Variants in CALCOCO2 observed in about 807,000 individuals in gnomAD.
CALCOCO2 encodes the protein calcium-binding and coiled-coil domain-containing protein 2.
CALCOCO2 carries 42 observed loss-of-function variants against 62.5 expected under a neutral mutation model. The observed-to-expected ratio is 0.67, with a 90% CI of 0.53 to 0.87. CALCOCO2 has a LOEUF of 0.87. Ranked by LOEUF, CALCOCO2 falls within the 40% of genes least tolerant of loss-of-function variation. The pLI is 0.00. For synonymous variants in CALCOCO2, 167 were observed against 173.0 expected, an observed-to-expected ratio of 0.97 and a Z score of 0.27; for missense variants, 456 against 515.0, an observed-to-expected ratio of 0.89 and a Z score of 1.11.
chr17:48,852,401 G>A (rs2040146467), intron 7 of CALCOCO2, 105 bp from the exon 8 acceptor site: 2 of 967,808 alleles, frequency 2.1e-6, no homozygotes, highest in Admixed American at 2.5e-5. Flanking sequence ...GCAGTTGGGA[G>A]TTGCTAGGGA....
chr17:48,861,052 C>G (rs1190857823), intron 11 of CALCOCO2, among the ~76,000 whole-genome samples: 1 of 152,150 alleles, frequency 6.6e-6, no homozygotes, highest in Non-Finnish European at 1.5e-5. Context: ...TTATAACAGG[C>G]AACAAGTTTA....
At position 48,853,018 on chromosome 17, in the gene CALCOCO2, T is replaced by C; in HGVS notation, c.912+6T>C. The C allele has an allele frequency of 6.3e-7, 1 of 1,597,290 alleles. No individual in the cohort carries two copies. Among genetic ancestry groups the C allele is most frequent in the African/African-American group, 1.3e-5 (1 of 74,658 alleles). ...AGAAACAACAGGAATTAATGGCATG[T>C]CTGTCTTTGGATGGTTATGTGGGAG... On this transcript the variant is annotated splice_donor_region_variant and intron_variant, in intron 9 of 12. Transcript: ENST00000258947.
intron 10 of CALCOCO2, among the ~76,000 whole-genome samples, chr17:48,858,298 C>G (rs1291703414): frequency 1.3e-5 from 2 of 151,704 alleles, no homozygotes; most frequent in Non-Finnish European, 2.9e-5. Context: ...TTGTTATTCC[C>G]ATTCTCTCTT....
At chr17:48,856,047 A>C in intron 9 of CALCOCO2, 45 bp from the exon 10 acceptor site, 1 of 960,070 alleles carries the variant, frequency 1.0e-6, no homozygotes. Flanking sequence ...TTGTACCCAG[A>C]CTGCAATATG....
chr17:48,860,374 C>A lies in CALCOCO2; in HGVS notation c.1069C>A (p.Pro357Thr), dbSNP rs748032622. ...CATGGGTCTGGATTTTAATTCTTTG[C>A]CGTATCAAGTACCTACTTCAGATGA... ...SYMGLDFNSL[P>T]YQVPTSDEGG... Residue 357 changes from proline (P) to threonine (T), a missense_variant, in exon 11 of 13, where the codon CCG becomes ACG. Transcript: ENST00000258947. The A allele has an allele frequency of 6.8e-6, 11 of 1,612,960 alleles. No homozygotes were observed. Among genetic ancestry groups the A allele is most frequent in the Non-Finnish European group, 9.3e-6 (11 of 1,178,984 alleles).
chr17:48,850,289 ACT>A (rs1273015784), intron 5 of CALCOCO2, among the ~76,000 whole-genome samples: 2 of 150,954 alleles, frequency 1.3e-5, no homozygotes, highest in Non-Finnish European at 2.9e-5. Context: ...ACAGAGCAAG[ACT>A]CTGTCTCAAA....
intron 2 of CALCOCO2, chr17:48,846,511 G>A: frequency 6.9e-7 from 1 of 1,441,238 alleles, no homozygotes; most frequent in Non-Finnish European, 9.4e-7. Context: ...GACAGAAATT[G>A]CAGGTGGCTA....
At chr17:48,841,614 A>C (rs2039974808) in intron 1 of CALCOCO2, 84 bp from the exon 2 acceptor site, 2 of 949,706 alleles carry the variant, frequency 2.1e-6, no homozygotes, top group South Asian at 4.0e-5. Context: ...TTTGCACAGA[A>C]TGTTCCCTGG....
At chr17:48,838,516 C>T (rs1203678030) in intron 1 of CALCOCO2, among the ~76,000 whole-genome samples, 3 of 151,816 alleles carry the variant, frequency 2.0e-5, no homozygotes, top group Admixed American at 6.6e-5. Context: ...AGATCGAGAC[C>T]ATCCTTTCTA....
intron 6 of CALCOCO2, 49 bp downstream of exon 6, chr17:48,851,226 G>T: frequency 1.0e-6 from 1 of 966,712 alleles, no homozygotes. Flanking sequence ...TGTACCATCA[G>T]TACCCTTAAG....
At chr17:48,861,712 A>G (rs1258306224) in intron 11 of CALCOCO2, among the ~76,000 whole-genome samples, 1 of 145,042 alleles carries the variant, frequency 6.9e-6, no homozygotes, top group Non-Finnish European at 1.5e-5. Flanking sequence ...GTGTGAAATG[A>G]AAATACAATT....
chr17:48,847,117 T>C (rs942715145), intron 2 of CALCOCO2, among the ~76,000 whole-genome samples: 1 of 152,166 alleles, frequency 6.6e-6, no homozygotes, highest in Non-Finnish European at 1.5e-5. Flanking sequence ...CAAAAAGCCA[T>C]CATTAAGCAT....
chr17:48,862,729 A>G (rs1567761885), intron 12 of CALCOCO2, 109 bp from the exon 13 acceptor site: 2 of 836,586 alleles, frequency 2.4e-6, no homozygotes, highest in Admixed American at 1.9e-5. Flanking sequence ...GTGCCTAACC[A>G]TGTGCCAGTC....
At chr17:48,855,245 CCTTT>C (rs2040197723) in intron 9 of CALCOCO2, among the ~76,000 whole-genome samples, 1 of 152,090 alleles carries the variant, frequency 6.6e-6, no homozygotes, top group Non-Finnish European at 1.5e-5. Flanking sequence ...CTCAGAGAGC[CCTTT>C]CTTATTTCTG....
chr17:48,858,710 GCA>G (rs1186226324), intron 10 of CALCOCO2, among the ~76,000 whole-genome samples: 1 of 151,796 alleles, frequency 6.6e-6, no homozygotes, highest in Non-Finnish European at 1.5e-5. Context: ...GGGGGCAGGT[GCA>G]CACACAGTTT....
At chr17:48,848,587 A>G in intron 4 of CALCOCO2, 132 bp downstream of exon 4, 1 of 779,168 alleles carries the variant, frequency 1.3e-6, no homozygotes, top group South Asian at 1.6e-5. Flanking sequence ...TGTAGTACTC[A>G]CACAGACTCA....
At chr17:48,842,658 T>TTG (rs1567751395) in intron 2 of CALCOCO2, 1 of 151,964 alleles carries the variant, frequency 6.6e-6, no homozygotes, top group Non-Finnish European at 1.5e-5. Context: ...TTTTTTTTTT[T>TTG]TCTTTGAGAC....
intron 4 of CALCOCO2, chr17:48,848,931 C>T (rs2040089541): frequency 8.6e-6 from 4 of 465,588 alleles, no homozygotes; most frequent in Admixed American, 7.5e-5. Flanking sequence ...TCAGTTAAAA[C>T]ACTGTCCTTG....
intron 10 of CALCOCO2, among the ~76,000 whole-genome samples, chr17:48,858,019 GAATAGAATAGAATAGAATAGAATAGAA>G (rs751507196): frequency 0.028 from 425 of 15,446 alleles, 34 homozygotes; most frequent in South Asian, 0.06. Context: ...GAATAGAATA[GAATAGAATAGAATAGAATAGAATAGAA>G]AATAGAATAG....
Sources: gnomAD v4.1 joint callset for allele counts (sites outside exome capture counted in the v4.1 genomes callset) on GRCh38, gnomAD v4.1.1 for gene constraint, MANE v1.5 for transcripts, NCBI Gene and HGNC (gene_info 2026-07-23, HGNC 2026-07-21) for gene names.